MOV10: variants seen among roughly 807,000 people sequenced by gnomAD.
MOV10 encodes the protein RNA helicase MOV-10.
MOV10 carries 39 observed loss-of-function variants against 108.4 expected under a neutral mutation model. That is an observed-to-expected ratio of 0.36 (90% CI 0.28 to 0.47). The LOEUF (loss-of-function observed/expected upper bound fraction) is 0.47. Ranked by LOEUF, MOV10 falls within the 20% of genes least tolerant of loss-of-function variation. MOV10 has a pLI of 1.00. For missense variants in MOV10, 952 were observed against 1,297.6 expected (o/e 0.73, Z 4.09); for synonymous variants, 490 against 523.1 (o/e 0.94, Z 0.86).
intron 2 of MOV10, chr1:112,686,853 C>T (rs944842555): frequency 2.2e-5 from 10 of 445,434 alleles, no homozygotes; most frequent in Admixed American, 7.3e-5. Flanking sequence ...TAAGTATTAG[C>T]GAATCTTGCC....
At chr1:112,697,528 A>T (rs1674216312) in intron 14 of MOV10, among the ~76,000 whole-genome samples, 1 of 152,208 alleles carries the variant, frequency 6.6e-6, no homozygotes, top group Non-Finnish European at 1.5e-5. Flanking sequence ...TGTTATTCAA[A>T]TTAAAGAGCT....
intron 19 of MOV10, 57 bp downstream of exon 19, chr1:112,700,039 G>A: frequency 1.9e-6 from 3 of 1,604,582 alleles, no homozygotes; most frequent in South Asian, 2.2e-5. Flanking sequence ...CCTAGGGCAG[G>A]TGGATCTTTT....
chr1:112,680,537 T>A (rs552472739), intron 2 of MOV10, among the ~76,000 whole-genome samples: 1 of 149,142 alleles, frequency 6.7e-6, no homozygotes, highest in East Asian at 2.1e-4. Context: ...GCGCCTGTAG[T>A]CCCAGCTACT....
At chr1:112,686,722 A>G (rs1673107577) in intron 2 of MOV10, among the ~76,000 whole-genome samples, 1 of 152,150 alleles carries the variant, frequency 6.6e-6, no homozygotes, top group South Asian at 2.1e-4. Flanking sequence ...CTTGTCTTAC[A>G]TCCTATCTCA....
Position 112,689,965 on chromosome 1 carries a change from G to T in MOV10, c.703G>T (p.Ala235Ser). 2 of 1,614,110 alleles carry T rather than the reference G, an allele frequency of 1.2e-6. No individual in the cohort carries two copies. Among genetic ancestry groups the T allele is most frequent in the Non-Finnish European group, 1.7e-6 (2 of 1,180,032 alleles). Residue 235 changes from alanine to serine, a missense_variant, in exon 5 of 21, where the codon GCC becomes TCC. Physicochemically the swap from Ala to Ser is moderately conservative, Grantham distance 99. Around this residue, in one of 5 missense-constraint regions of MOV10, gnomAD observed 374 missense variants for 468.6 expected, o/e 0.80. Coordinates refer to ENST00000369645, the MANE Select transcript of MOV10 (RefSeq NM_001321324.2). ...GSEGAGTFYI[A>S]RFLAAVAHSP... ...AGAAGGAGCCGGCACATTCTACATT[G>T]CCCGCTTCTTGGCTGCCGTCGCCCA... is the stretch of plus-strand genomic sequence containing the variant.
chr1:112,684,370 C>A (rs950481976), intron 2 of MOV10, among the ~76,000 whole-genome samples: 2 of 149,968 alleles, frequency 1.3e-5, no homozygotes, highest in African/African-American at 2.5e-5. Context: ...TGGGTTCAAG[C>A]GATTCTCCTG....
intron 5 of MOV10, among the ~76,000 whole-genome samples, chr1:112,691,350 T>G (rs1235987290): frequency 6.6e-6 from 1 of 152,190 alleles, no homozygotes; most frequent in Non-Finnish European, 1.5e-5. Flanking sequence ...TGACTATATA[T>G]GTATAACAGA....
Position 112,675,367 on chromosome 1 carries a change from G to T in MOV10, c.137+318G>T, listed in dbSNP as rs1048470588. Among the ~76,000 whole-genome samples the T allele has an allele frequency of 6.6e-6, 1 of 152,162 alleles. No homozygotes were observed. Among genetic ancestry groups the T allele is most frequent in the African/African-American group, 2.4e-5 (1 of 41,448 alleles). ...CCCGCGTCCATGCGCCGCTCGCGGG[G>T]GCTGAGGGACAGCGCTCGCGGTGGG... On this transcript the variant is annotated intron_variant, in intron 2 of 20. Transcript: ENST00000369645. This position sits in a 1 kb window ranked among gnomAD's most constrained non-coding sequence, Gnocchi z 4.7.
At chr1:112,695,389 C>T (rs1673976480) in intron 10 of MOV10, 27 bp from the exon 11 acceptor site, 1 of 1,610,394 alleles carries the variant, frequency 6.2e-7, no homozygotes, top group South Asian at 1.1e-5. Flanking sequence ...GAACCTGCCT[C>T]CCACACTGCG....
intron 2 of MOV10, chr1:112,684,932 A>T (rs368318804): frequency 1.3e-5 from 2 of 152,212 alleles, no homozygotes; most frequent in South Asian, 4.1e-4. Flanking sequence ...TGTCATCTGC[A>T]TTATGAGTAT....
chr1:112,688,896 T>C, intron 2 of MOV10, 39 bp from the exon 3 acceptor site: 1 of 1,610,578 alleles, frequency 6.2e-7, no homozygotes, highest in South Asian at 1.1e-5. Context: ...CCTCGAGCCC[T>C]GCCTTCCCTC....
Position 112,695,651 on chromosome 1 carries a change from C to CT in MOV10, c.1779+78dup, listed in dbSNP as rs1048018900. 1.0e-5 allele frequency: 15 copies of CT among 1,463,928 alleles called. No homozygotes were observed. In the African/African-American group the frequency reaches 2.0e-4, roughly 19 times the overall value. 90.7% of individuals were successfully genotyped at this position (1,463,928 alleles called of 1,614,324 possible). A position where few individuals can be genotyped will look rare whatever the true frequency, so the allele number is the denominator to read the frequency against. On this transcript the variant is annotated intron_variant, in intron 11 of 20. Transcript: ENST00000369645. ...CAGGGCAGACACTGAGGCGAGGAAGCTAGGAGACCTGGATTCTGATACTTG... is the reference window on the plus strand; with the variant it reads ...CAGGGCAGACACTGAGGCGAGGAAGCTTAGGAGACCTGGATTCTGATACTTG...
intron 14 of MOV10, among the ~76,000 whole-genome samples, chr1:112,697,484 A>T (rs34848593): frequency 0.23 from 35,317 of 151,970 alleles, 4,745 homozygotes; most frequent in East Asian, 0.57. Flanking sequence ...AAAGAAAGAA[A>T]AATAGGGAAG....
Position 112,698,349 on chromosome 1 carries a change from C to T in MOV10, c.2379C>T (p.Ser793=), listed in dbSNP as rs770646060. The change falls in exon 16 of 21, where the codon TCC becomes TCT. Residue 793 remains serine, a synonymous_variant. Transcript: ENST00000369645. ...GKDEREGNSP[S]FFNPEEAATV... is the part of the protein sequence containing the mutation. ...ATGAGCGTGAAGGCAACAGCCCATC[C>T]TTCTTCAACCCTGAAGAGGCTGCCA... is the stretch of plus-strand genomic sequence containing the variant. The T allele has an allele frequency of 3.3e-5, 54 of 1,614,070 alleles. No homozygotes were observed. The highest frequency in any genetic ancestry group is 4.4e-5 in the Non-Finnish European group (52 of 1,180,038).
chr1:112,678,071 A>G (rs566667843), intron 2 of MOV10, among the ~76,000 whole-genome samples: 1 of 152,198 alleles, frequency 6.6e-6, no homozygotes, highest in Non-Finnish European at 1.5e-5. Flanking sequence ...TAGCCCTGCC[A>G]TTTAGTGGTT....
chr1:112,689,392 C>A, intron 3 of MOV10, 23 bp from the exon 4 acceptor site: 1 of 1,412,806 alleles, frequency 7.1e-7, no homozygotes, highest in South Asian at 1.2e-5. Context: ...CCCCAACCCC[C>A]CCTTGACTCC....
intron 12 of MOV10, 66 bp from the exon 13 acceptor site, chr1:112,696,371 G>T: frequency 1.4e-6 from 2 of 1,463,920 alleles, no homozygotes; most frequent in Non-Finnish European, 1.9e-6. Context: ...AGCCAGCCTG[G>T]GAAAGCATTC....
intron 6 of MOV10, among the ~76,000 whole-genome samples, chr1:112,692,423 C>T (rs114941412): frequency 6.6e-6 from 1 of 152,138 alleles, no homozygotes; most frequent in Admixed American, 6.5e-5. Flanking sequence ...TTAGTCCTGG[C>T]CTGTTTGAGG....
At chr1:112,685,221 TCTCAAACTCCTGGG>T (rs1672979704) in intron 2 of MOV10, 1 of 144,682 alleles carries the variant, frequency 6.9e-6, no homozygotes. Flanking sequence ...CCCAGGCTGG[TCTCAAACTCCTGGG>T]CTCAAGCAGT....
Sources: gnomAD v4.1 joint callset for allele counts (sites outside exome capture counted in the v4.1 genomes callset) on GRCh38, gnomAD v4.1.1 for gene constraint, gnomAD v4.1.1 regional missense constraint, Gnocchi (gnomAD v3.1) non-coding constraint, MANE v1.5 for transcripts, NCBI Gene and HGNC (gene_info 2026-07-23, HGNC 2026-07-21) for gene names.